CYP24A1: variants seen among roughly 807,000 people sequenced by gnomAD.
CYP24A1 encodes the protein cytochrome P450 family 24 subfamily A member 1.
Under a neutral mutation model 62.4 loss-of-function variants are expected in CYP24A1, and 68 were observed. That is an observed-to-expected ratio of 1.09 (90% confidence interval 0.90 to 1.33). CYP24A1 has a LOEUF of 1.33. Ranked by LOEUF, CYP24A1 falls within the 40% of genes most tolerant of loss-of-function variation. The pLI is 0.00. For missense variants in CYP24A1, 787 were observed against 653.0 expected (o/e 1.21, Z -2.24); for synonymous variants, 267 against 253.0 (o/e 1.06, Z -0.52).
rs535710308 is a variant in CYP24A1, at chr20:54,156,258, G to A, written c.*10+911C>T. Among the ~76,000 whole-genome samples, 4 of 151,812 alleles carry A rather than the reference G, an allele frequency of 2.6e-5. No individual in the cohort carries two copies. The South Asian group carries it at 6.2e-4, about 24-fold the overall frequency. The stretch of plus-strand genomic sequence containing the variant: ...AACACGTGAATATACTACCTTATAT[G>A]AAAAAAAGGGCTTTCCAGATGAAAT... On this transcript the variant is annotated intron_variant, in intron 11 of 11. Transcript: ENST00000216862.
chr20:54,173,089 TG>T lies in CYP24A1; in HGVS notation c.268del (p.His90ThrfsTer10), dbSNP rs2092700084. On this transcript the variant is annotated frameshift_variant, in exon 2 of 12. Coordinates refer to ENST00000216862, the MANE Select transcript of CYP24A1 (RefSeq NM_000782.5). LOFTEE classifies it high-confidence loss of function. The surrounding 1 kb of genome is among the most constrained non-coding windows in gnomAD (Gnocchi z 7.2). ...GCGGAAAATCTTGCCATACTTCTTG[TG>T]GTACTCCACCTGCAGCCGGCCGGGC... ...KKQHDTLVEY[H>X]KKYGKIFRMK... 6.2e-7 allele frequency: 1 copy of T among 1,603,308 alleles called. No homozygotes were observed. The highest frequency in any genetic ancestry group is 8.5e-7 in the Non-Finnish European group (1 of 1,179,958).
chr20:54,144,491 G>A, the CYP24A1 span, among the ~76,000 whole-genome samples: 5 of 151,702 alleles, frequency 3.3e-5, no homozygotes, highest in African/African-American at 1.2e-4. Flanking sequence ...CTGGGCTAAG[G>A]TGATCCTCCA....
At chr20:54,172,650 C>A in intron 2 of CYP24A1, 3 of 736,404 alleles carry the variant, frequency 4.1e-6, no homozygotes, top group Non-Finnish European at 6.3e-6. Context: ...TTTGGCGTTT[C>A]TTTGATGGGA....
intron 7 of CYP24A1, among the ~76,000 whole-genome samples, chr20:54,159,679 T>A (rs2092643338): frequency 6.6e-6 from 1 of 152,184 alleles, no homozygotes; most frequent in Non-Finnish European, 1.5e-5. Flanking sequence ...ATGAGCCAAC[T>A]GTGCCTGACC....
At chr20:54,149,207 C>T (rs929500667), downstream of CYP24A1, among the ~76,000 whole-genome samples, 5 of 152,196 alleles carry the variant, frequency 3.3e-5, no homozygotes, top group African/African-American at 1.2e-4. Flanking sequence ...TTTCCCAGGA[C>T]TCGTGCCAAG....
rs2092633619 is a variant in CYP24A1 at position 54,157,516 on chromosome 20, TAA to T, written c.1304_1305del (p.Phe435Ter). The stretch of plus-strand genomic sequence containing the variant: ...TTCTCCTGAAGCCAACGTTCAGGTC[TAA>T]ACTGACTTGAATCTTCAAAATTGTC... ...SEDNFEDSSQFRPERWLQEKE... is the reference protein window; with the variant it reads ...SEDNFEDSSQXRPERWLQEKE... On this transcript the variant is annotated frameshift_variant, in exon 10 of 12. Transcript: ENST00000216862. LOFTEE classifies it high-confidence loss of function. 1.3e-6 allele frequency: 2 copies of T among 1,598,162 alleles called. No individual in the cohort carries two copies.
rs111300098 is a variant in CYP24A1, at chr20:54,171,203, G to A, written c.543+374C>T. On this transcript the variant is annotated intron_variant, in intron 3 of 11. Coordinates refer to ENST00000216862, the MANE Select transcript of CYP24A1 (RefSeq NM_000782.5). ...CTCATTTAATTCTCACAGCAAACCC[G>A]TGGGGTGGGAACTGTTACTCCCATT... 1.0e-3 allele frequency among the ~76,000 whole-genome samples: 156 copies of A among 152,152 alleles called. 1 individual carries two copies. The highest frequency in any genetic ancestry group is 3.5e-3 in the African/African-American group (145 of 41,548).
intron 6 of CYP24A1, 22 bp downstream of exon 6, chr20:54,164,430 G>A: frequency 1.2e-6 from 2 of 1,614,016 alleles, no homozygotes; most frequent in Non-Finnish European, 1.7e-6. Flanking sequence ...GTTCTGGCTG[G>A]TTGTGAAGGG....
At chr20:54,168,232 G>C (rs960254223) in intron 4 of CYP24A1, among the ~76,000 whole-genome samples, 1 of 152,184 alleles carries the variant, frequency 6.6e-6, no homozygotes, top group Non-Finnish European at 1.5e-5. Context: ...TGTCCCACCT[G>C]ATCACAGCTG....
intron 7 of CYP24A1, among the ~76,000 whole-genome samples, chr20:54,159,425 C>T (rs1171226167): frequency 7.2e-6 from 1 of 138,620 alleles, no homozygotes; most frequent in Non-Finnish European, 1.5e-5. Context: ...GATGGAGTCT[C>T]ACTCTGTCAC....
At chr20:54,156,071 G>A (rs1229113455) in intron 11 of CYP24A1, among the ~76,000 whole-genome samples, 1 of 152,112 alleles carries the variant, frequency 6.6e-6, no homozygotes, top group Non-Finnish European at 1.5e-5. Flanking sequence ...TTCAATACAG[G>A]CTGATAAATA....
chr20:54,171,267 G>T (rs532653299), intron 3 of CYP24A1, among the ~76,000 whole-genome samples: 2 of 152,282 alleles, frequency 1.3e-5, no homozygotes, highest in African/African-American at 2.4e-5. Flanking sequence ...AAGGTAAGTG[G>T]TATATAGCCA....
In CYP24A1 at chr20:54,153,515, C is replaced by CAT. The variant is rs10623012; in HGVS notation, c.*1256_*1257insAT. The CAT allele has an allele frequency of 0.5, 76,192 of 151,900 alleles. 20,450 individuals carry two copies. Among genetic ancestry groups the CAT allele is most frequent in the East Asian group, 0.69 (3,589 of 5,174 alleles). 9.4% of individuals were successfully genotyped at this position (151,900 alleles called of 1,614,324 possible). Reference sequence around the variant, plus strand: ...GGTATACAGATGAAATCTGACAAGACGTGAATTTATAATTCTAAAAATAAT... The same window carrying CAT: ...GGTATACAGATGAAATCTGACAAGACATGTGAATTTATAATTCTAAAAATAAT... On this transcript the variant is annotated 3_prime_UTR_variant, in exon 12 of 12. Transcript: ENST00000216862.
intron 6 of CYP24A1, 76 bp downstream of exon 6, chr20:54,164,376 C>A: frequency 6.2e-7 from 1 of 1,611,924 alleles, no homozygotes; most frequent in East Asian, 2.2e-5. Context: ...GGAGATCACT[C>A]CAGACCTCCT....
At position 54,173,065 on chromosome 20, in the gene CYP24A1, C is replaced by A. The variant is rs1405858839; in HGVS notation, c.293G>T (p.Arg98Leu). ...CGACTCAAAGGAACCCAACTTCATG[C>A]GGAAAATCTTGCCATACTTCTTGTG... ...EYHKKYGKIFRMKLGSFESVH... is the reference protein window; with the variant it reads ...EYHKKYGKIFLMKLGSFESVH... The change falls in exon 2 of 12, where the codon CGC (arginine) becomes CTC (leucine). Residue 98 changes from arginine to leucine, a missense_variant. By Grantham distance (102) the Arg-to-Leu change is moderately radical. Coordinates refer to ENST00000216862, the MANE Select transcript of CYP24A1 (RefSeq NM_000782.5). This position sits in a 1 kb window ranked among gnomAD's most constrained non-coding sequence, Gnocchi z 7.2. The A allele has an allele frequency of 6.2e-7, 1 of 1,606,062 alleles. No homozygotes were observed.
chr20:54,161,205 G>C (rs963588371), intron 7 of CYP24A1, among the ~76,000 whole-genome samples: 24 of 152,160 alleles, frequency 1.6e-4, no homozygotes, highest in African/African-American at 5.8e-4. Context: ...TTCTGCCCCA[G>C]GGCCTTTGCA....
chr20:54,159,247 G>A (rs528179044), intron 7 of CYP24A1, 124 bp from the exon 8 acceptor site: 26 of 769,174 alleles, frequency 3.4e-5, no homozygotes, highest in African/African-American at 1.0e-4. Context: ...TCTTTCACGC[G>A]TCCTTATAGC....
chr20:54,150,471 T>C (rs1469025493), downstream of CYP24A1, among the ~76,000 whole-genome samples: 1 of 152,160 alleles, frequency 6.6e-6, no homozygotes, highest in African/African-American at 2.4e-5. Flanking sequence ...GTAGCTGGGA[T>C]TATAAGCACC....
chr20:54,170,534 C>T (rs958169752), intron 3 of CYP24A1, among the ~76,000 whole-genome samples: 1 of 151,352 alleles, frequency 6.6e-6, no homozygotes, highest in East Asian at 1.9e-4. Flanking sequence ...CCGCATAGCG[C>T]ATTTAAAAGT....
Sources: allele counts gnomAD v4.1 joint callset (sites outside exome capture counted in the v4.1 genomes callset), GRCh38; gene constraint gnomAD v4.1.1; non-coding constraint Gnocchi (gnomAD v3.1); transcripts MANE v1.5; gene names NCBI Gene and HGNC (gene_info 2026-07-23, HGNC 2026-07-21).